Variants in GABRB2 observed in about 807,000 individuals in gnomAD.
The protein encoded by GABRB2 is gamma-aminobutyric acid receptor subunit beta-2.
A neutral mutation model predicts 54.7 loss-of-function variants in GABRB2; 16 were observed. That is an observed-to-expected ratio of 0.29 (90% confidence interval 0.20 to 0.44). GABRB2 has a LOEUF of 0.44. Ranked by LOEUF, GABRB2 falls within the 20% of genes least tolerant of loss-of-function variation. GABRB2 has a pLI of 1.00. For missense variants in GABRB2, 355 were observed against 644.0 expected (o/e 0.55, Z 4.86); for synonymous variants, 244 against 233.8 (o/e 1.04, Z -0.40).
At chr5:161,531,369 T>C (rs550660958) in intron 3 of GABRB2, among the ~76,000 whole-genome samples, 3 of 152,304 alleles carry the variant, frequency 2.0e-5, no homozygotes, top group African/African-American at 7.2e-5. Flanking sequence ...TTTATATGCT[T>C]GTTTAAAAGC....
At chr5:161,436,149 A>T (rs2113192537) in intron 4 of GABRB2, among the ~76,000 whole-genome samples, 1 of 152,310 alleles carries the variant, frequency 6.6e-6, no homozygotes, top group South Asian at 2.1e-4. Flanking sequence ...CTTCGTGTGT[A>T]AAAATAGCCA....
intron 5 of GABRB2, among the ~76,000 whole-genome samples, chr5:161,409,425 G>A (rs561210498): frequency 1.3e-5 from 2 of 152,190 alleles, no homozygotes; most frequent in Non-Finnish European, 2.9e-5. Context: ...ACACTTGGGT[G>A]TTGCCTGCAT....
intron 4 of GABRB2, among the ~76,000 whole-genome samples, chr5:161,448,996 AGG>A (rs1757715941): frequency 6.6e-6 from 1 of 152,160 alleles, no homozygotes; most frequent in Non-Finnish European, 1.5e-5. Flanking sequence ...ATCTCTCCAG[AGG>A]GGAATCTCTT....
intron 5 of GABRB2, among the ~76,000 whole-genome samples, chr5:161,393,996 A>C (rs113599036): frequency 0.024 from 3,658 of 152,158 alleles, 147 homozygotes; most frequent in African/African-American, 0.082. Flanking sequence ...ATTCTCCATA[A>C]ATTTTAAAAG....
In GABRB2 at chr5:161,396,085, G is replaced by A. The variant is rs553691250; in HGVS notation, c.541+14890C>T. Among the ~76,000 whole-genome samples the A allele has an allele frequency of 4.6e-5, 7 of 152,194 alleles. No homozygotes were observed. The South Asian group carries it at 1.0e-3, about 23-fold the overall frequency. On this transcript the variant is annotated intron_variant, in intron 5 of 9. Transcript: ENST00000393959. The stretch of plus-strand genomic sequence containing the variant: ...ATTTTAAATGATTGTCTTCTATGTG[G>A]CATATTGTGCTTCAGAAATTGTTCC...
intron 5 of GABRB2, among the ~76,000 whole-genome samples, chr5:161,358,472 A>T (rs982117246): frequency 1.3e-5 from 2 of 152,228 alleles, no homozygotes; most frequent in African/African-American, 4.8e-5. Context: ...CACTGGGGAA[A>T]ATTAATTTTT....
At chr5:161,314,567 T>A (rs1757969326) in intron 9 of GABRB2, among the ~76,000 whole-genome samples, 1 of 152,210 alleles carries the variant, frequency 6.6e-6, no homozygotes, top group Admixed American at 6.5e-5. Context: ...GTATTGTACT[T>A]GTTTTATTTT....
At chr5:161,296,400 T>C (rs1218616490) in intron 9 of GABRB2, among the ~76,000 whole-genome samples, 1 of 152,214 alleles carries the variant, frequency 6.6e-6, no homozygotes, top group Non-Finnish European at 1.5e-5. Flanking sequence ...TATTTGCTTC[T>C]CTACTGAGCA....
At chr5:161,396,969 GA>G (rs1282585554) in intron 5 of GABRB2, among the ~76,000 whole-genome samples, 1 of 152,164 alleles carries the variant, frequency 6.6e-6, no homozygotes, top group Non-Finnish European at 1.5e-5. Context: ...TAAATGAGAT[GA>G]TAAATGTAAA....
intron 7 of GABRB2, among the ~76,000 whole-genome samples, chr5:161,334,418 G>A (rs1315763043): frequency 6.6e-6 from 1 of 152,078 alleles, no homozygotes; most frequent in Non-Finnish European, 1.5e-5. Context: ...TAGAAGGGAG[G>A]TCTTCTTAGG....
chr5:161,452,250 T>C (rs1757809703), intron 4 of GABRB2, among the ~76,000 whole-genome samples: 1 of 152,170 alleles, frequency 6.6e-6, no homozygotes, highest in Admixed American at 6.5e-5. Flanking sequence ...TAAATACCGT[T>C]TTATGCGTAA....
At chr5:161,529,035 T>C (rs939693974) in intron 3 of GABRB2, among the ~76,000 whole-genome samples, 3 of 151,928 alleles carry the variant, frequency 2.0e-5, no homozygotes, top group Non-Finnish European at 1.5e-5. Context: ...CAAAACATAA[T>C]TTTGCTCTTA....
At chr5:161,372,882 T>C (rs974470300) in intron 5 of GABRB2, among the ~76,000 whole-genome samples, 3 of 152,188 alleles carry the variant, frequency 2.0e-5, no homozygotes, top group African/African-American at 7.2e-5. Flanking sequence ...CTATGCTGCA[T>C]GCACTAAGCT....
At chr5:161,366,819 C>T (rs1403249328) in intron 5 of GABRB2, among the ~76,000 whole-genome samples, 1 of 152,052 alleles carries the variant, frequency 6.6e-6, no homozygotes, top group Non-Finnish European at 1.5e-5. Flanking sequence ...TGGTGGCAGG[C>T]CCCTGTAATC....
intron 3 of GABRB2, among the ~76,000 whole-genome samples, chr5:161,528,132 T>A (rs1760338805): frequency 6.6e-6 from 1 of 151,734 alleles, no homozygotes; most frequent in Non-Finnish European, 1.5e-5. Context: ...GTTATAAAAA[T>A]TATAGATTAC....
chr5:161,446,895 A>C lies in GABRB2; in HGVS notation c.458+12729T>G, dbSNP rs1327565182. ...TTGAGTCACAGAGACTGGATGTGTC[A>C]TTTATCTTCCTGTATCTCCAAAGCC... On this transcript the variant is annotated intron_variant, in intron 4 of 9. Coordinates refer to ENST00000393959, the MANE Select transcript of GABRB2 (RefSeq NM_001371727.1). Among the ~76,000 whole-genome samples, 6 of 151,854 alleles carry C rather than the reference A, an allele frequency of 4.0e-5. No homozygotes were observed. In the East Asian group the frequency reaches 9.7e-4, roughly 24 times the overall value.
At chr5:161,431,692 C>T (rs949973962) in intron 4 of GABRB2, among the ~76,000 whole-genome samples, 14 of 152,192 alleles carry the variant, frequency 9.2e-5, no homozygotes, top group African/African-American at 2.9e-4. Flanking sequence ...TTCTCTAAAA[C>T]TGTTTGTTCT....
chr5:161,479,950 T>TA (rs1169707614), intron 3 of GABRB2, among the ~76,000 whole-genome samples: 3 of 152,128 alleles, frequency 2.0e-5, no homozygotes, highest in African/African-American at 7.2e-5. Flanking sequence ...TTTAGTATCT[T>TA]ATACTACATG....
At chr5:161,519,292 T>C (rs1331805943) in intron 3 of GABRB2, among the ~76,000 whole-genome samples, 1 of 152,206 alleles carries the variant, frequency 6.6e-6, no homozygotes, top group Non-Finnish European at 1.5e-5. Flanking sequence ...ATCTCAATTA[T>C]CTTGCAATTG....
Sources: allele counts gnomAD v4.1 joint callset (sites outside exome capture counted in the v4.1 genomes callset), GRCh38; gene constraint gnomAD v4.1.1; transcripts MANE v1.5; gene names NCBI Gene and HGNC (gene_info 2026-07-23, HGNC 2026-07-21).